The following BPIFB3 variants were observed in gnomAD, a reference collection of about 807,000 sequenced individuals.
BPIFB3 encodes the protein BPI fold-containing family B member 3.
Under a neutral mutation model 53.1 loss-of-function variants are expected in BPIFB3, and 49 were observed. That is an observed-to-expected ratio of 0.92 (90% CI 0.73 to 1.17). The LOEUF (loss-of-function observed/expected upper bound fraction) is 1.17, where lower values mean the gene tolerates loss of function less well. BPIFB3 is among the 50% of genes most tolerant of loss of function. The probability of loss-of-function intolerance (pLI) is 0.00; values close to 1 mark genes in which losing one functional copy is unlikely to be tolerated. For missense variants in BPIFB3, 628 were observed against 592.5 expected (o/e 1.06, Z -0.62); for synonymous variants, 271 against 269.6 (o/e 1.01, Z -0.05).
chr20:33,071,220 C>T (rs200161180), intron 11 of BPIFB3, 33 bp from the exon 13 acceptor site: 197 of 877,222 alleles, frequency 2.2e-4, no homozygotes, highest in African/African-American at 1.0e-3. Context: ...TTGGGGGTAG[C>T]GGGGGCCCCA....
downstream of BPIFB3, chr20:33,073,699 G>C (rs1980994688): frequency 6.7e-7 from 1 of 1,484,622 alleles, no homozygotes. Context: ...GCTGATGTTG[G>C]TGACAGTAAA....
intron 9 of BPIFB3, 52 bp downstream of exon 10, chr20:33,066,929 A>G: frequency 3.2e-6 from 5 of 1,572,702 alleles, no homozygotes; most frequent in South Asian, 2.2e-5. Context: ...CCTGATGACC[A>G]TGAATGGAGT....
intron 2 of BPIFB3, among the ~76,000 whole-genome samples, chr20:33,057,833 A>G (rs1006070085): frequency 1.3e-5 from 2 of 152,028 alleles, no homozygotes; most frequent in Non-Finnish European, 2.9e-5. Context: ...AAAAAAAAAA[A>G]GTATTTTTGA....
At chr20:33,067,697 G>T (rs1312060550) in intron 9 of BPIFB3, among the ~76,000 whole-genome samples, 1 of 152,228 alleles carries the variant, frequency 6.6e-6, no homozygotes, top group Non-Finnish European at 1.5e-5. Context: ...GGGGCAAGTG[G>T]AGTTGGCTGG....
chr20:33,071,256 C>T (rs1410622687), exon 12 of BPIFB3: 2 of 1,564,496 alleles, frequency 1.3e-6, no homozygotes, highest in Admixed American at 1.9e-5. Flanking sequence ...CCACCAGGCT[C>T]AGTGTCAAGG....
rs150599790 is a variant in BPIFB3 at position 33,061,193 on chromosome 20, C to T, written c.528-575C>T. Among the ~76,000 whole-genome samples the T allele has an allele frequency of 3.9e-3, 587 of 152,216 alleles. 5 individuals are homozygous for T. The highest frequency in any genetic ancestry group is 0.014 in the African/African-American group (575 of 41,540). ...CACGAGGGCCCTAAGAAAGGGATTC[C>T]AGGCAAGGGCTTTGGGCTCCTTAAA... is the stretch of plus-strand genomic sequence containing the variant. On this transcript the variant is annotated intron_variant, in intron 4 of 14. Transcript: ENST00000375494.
intron 8 of BPIFB3, 134 bp from the exon 10 acceptor site, chr20:33,066,690 G>T: frequency 1.3e-6 from 1 of 798,556 alleles, no homozygotes; most frequent in Non-Finnish European, 2.1e-6. Flanking sequence ...GAACAAACTT[G>T]AGTGTTTGTA....
rs35242985 is a variant in BPIFB3 at position 33,059,921 on chromosome 20, G to A, written c.417G>A (p.Ala139=). 1.1e-3 allele frequency: 1,718 copies of A among 1,614,078 alleles called. 18 individuals are homozygous for A. The African/African-American group carries it at 0.02, about 19-fold the overall frequency. ...TTGGTGGCCTTCTGCAGCTGGCTGC[G>A]GAGGTGAACGTGACATCGCGGGTGG... Residue 139 remains alanine (A), a synonymous_variant, in exon 4 of 15, where the codon GCG becomes GCA. Transcript: ENST00000375494.
intron 11 of BPIFB3, among the ~76,000 whole-genome samples, chr20:33,070,817 A>C (rs1243183913): frequency 6.6e-6 from 1 of 152,158 alleles, no homozygotes; most frequent in Non-Finnish European, 1.5e-5. Flanking sequence ...TTCACGCCTC[A>C]GTCTTTTAGG....
chr20:33,064,573 T>C, intron 7 of BPIFB3, 25 bp downstream of exon 8: 1 of 1,612,906 alleles, frequency 6.2e-7, no homozygotes, highest in Non-Finnish European at 8.5e-7. Context: ...GGGCCTCTCC[T>C]CCTGCTGGGG....
chr20:33,073,623 C>G, exon 15 of BPIFB3: 3 of 1,613,826 alleles, frequency 1.9e-6, no homozygotes, highest in Non-Finnish European at 2.5e-6. Flanking sequence ...ACATGGCCAC[C>G]AGCCTTCCCT....
intron 2 of BPIFB3, among the ~76,000 whole-genome samples, chr20:33,058,382 G>A (rs1192759601): frequency 2.0e-5 from 3 of 152,124 alleles, no homozygotes; most frequent in Admixed American, 6.6e-5. Context: ...TGGGGAAACC[G>A]AGGCACAGCA....
At chr20:33,069,773 A>T in intron 10 of BPIFB3, 115 bp from the exon 12 acceptor site, 1 of 1,036,890 alleles carries the variant, frequency 9.6e-7, no homozygotes, top group Non-Finnish European at 1.5e-6. Context: ...ACAGACCCTG[A>T]CACACAGTAG....
intron 9 of BPIFB3, among the ~76,000 whole-genome samples, chr20:33,067,479 G>C (rs1980715702): frequency 6.6e-6 from 1 of 152,214 alleles, no homozygotes; most frequent in Admixed American, 6.5e-5. Flanking sequence ...CACCAGAGAG[G>C]ATGGAAATGA....
rs750998163 is a variant in BPIFB3, at chr20:33,064,868, G to A, written c.924+23G>A. ...CTGGTGAGTGTGGTGCCCGGGGGAT[G>A]GGGATGGGGGCTCCTTGCCCTGCTG... On this transcript the variant is annotated intron_variant, in intron 8 of 14. Coordinates refer to ENST00000375494, the Ensembl canonical transcript of BPIFB3. 5.6e-6 allele frequency: 9 copies of A among 1,604,292 alleles called. No individual in the cohort carries two copies. The African/African-American group carries it at 9.3e-5, about 17-fold the overall frequency.
At chr20:33,055,276 T>G, upstream of BPIFB3, 1 of 1,215,464 alleles carries the variant, frequency 8.2e-7, no homozygotes. Context: ...CTGCTTACAT[T>G]TGGGAGGAGA....
chr20:33,065,834 C>T (rs1980649017), intron 8 of BPIFB3, among the ~76,000 whole-genome samples: 2 of 152,186 alleles, frequency 1.3e-5, no homozygotes, highest in African/African-American at 4.8e-5. Flanking sequence ...TGGTCACTCA[C>T]TTCTTGCAAG....
chr20:33,064,965 G>T, intron 8 of BPIFB3, 120 bp downstream of exon 9: 1 of 1,127,928 alleles, frequency 8.9e-7, no homozygotes, highest in South Asian at 1.6e-5. Context: ...TAATAAAAGG[G>T]AGTTGAACAA....
intron 9 of BPIFB3, among the ~76,000 whole-genome samples, chr20:33,067,744 C>T (rs1980726639): frequency 6.6e-6 from 1 of 152,190 alleles, no homozygotes; most frequent in Admixed American, 6.5e-5. Context: ...TGGGCCTGCC[C>T]CTCCAGCATG....
Sources: allele counts gnomAD v4.1 joint callset (sites outside exome capture counted in the v4.1 genomes callset), GRCh38; gene constraint gnomAD v4.1.1; transcripts MANE v1.5; gene names NCBI Gene and HGNC (gene_info 2026-07-23, HGNC 2026-07-21).